TNIK: variants seen among roughly 807,000 people sequenced by gnomAD.
The protein encoded by TNIK is TRAF2 and NCK-interacting protein kinase.
A neutral mutation model predicts 191.3 loss-of-function variants in TNIK; 49 were observed. That is an observed-to-expected ratio of 0.26 (90% confidence interval 0.20 to 0.32). The LOEUF is 0.32. Among genes scored for constraint, TNIK ranks in the 10% least tolerant of loss-of-function variants. The pLI is 1.00. For synonymous variants in TNIK, 594 were observed against 600.9 expected, an observed-to-expected ratio of 0.99 and a Z score of 0.17; for missense variants, 1,155 against 1,702.3, an observed-to-expected ratio of 0.68 and a Z score of 5.66.
At chr3:171,067,793 G>A (rs940256604) in intron 30 of TNIK, among the ~76,000 whole-genome samples, 1 of 152,008 alleles carries the variant, frequency 6.6e-6, no homozygotes. Context: ...ACATGTGCTT[G>A]ACAGATTGGA....
chr3:171,310,342 AACCC>A (rs1171481075), intron 2 of TNIK, among the ~76,000 whole-genome samples: 1 of 152,160 alleles, frequency 6.6e-6, no homozygotes, highest in Admixed American at 6.6e-5. Context: ...ACAGGATTGC[AACCC>A]ACCAAGATTA....
chr3:171,074,526 GA>G (rs1167079493), intron 28 of TNIK, among the ~76,000 whole-genome samples: 14 of 148,396 alleles, frequency 9.4e-5, no homozygotes, highest in African/African-American at 2.5e-5. Flanking sequence ...AAAAAGAAAA[GA>G]AAAAAAAATC....
intron 1 of TNIK, among the ~76,000 whole-genome samples, chr3:171,430,633 T>C (rs1489528497): frequency 3.2e-5 from 4 of 124,368 alleles, no homozygotes; most frequent in Non-Finnish European, 6.7e-5. Context: ...TGACACCTTG[T>C]CTCAAAAAAC....
At chr3:171,229,386 T>C (rs1220494479) in intron 2 of TNIK, among the ~76,000 whole-genome samples, 1 of 152,248 alleles carries the variant, frequency 6.6e-6, no homozygotes, top group African/African-American at 2.4e-5. Context: ...TGCTGTGGCA[T>C]GTTTATGAAT....
intron 2 of TNIK, among the ~76,000 whole-genome samples, chr3:171,365,197 T>TTTTTTTTTTTTTTTTC (rs1224095923): frequency 9.3e-6 from 1 of 107,814 alleles, no homozygotes; most frequent in South Asian, 3.6e-4. Context: ...TTTTTTTTTT[T>TTTTTTTTTTTTTTTTC]TTGAGACAGA....
chr3:171,356,098 C>A (rs1339958883), intron 2 of TNIK, among the ~76,000 whole-genome samples: 2 of 152,078 alleles, frequency 1.3e-5, no homozygotes, highest in East Asian at 3.8e-4. Context: ...CAAAATCACA[C>A]AACTGAAGCT....
chr3:171,094,271 A>G (rs1415259112), intron 22 of TNIK, among the ~76,000 whole-genome samples: 1 of 151,680 alleles, frequency 6.6e-6, no homozygotes, highest in African/African-American at 2.4e-5. Context: ...AGTAGCTGGG[A>G]CTACAGGCGC....
At chr3:171,230,012 C>A (rs1402525525) in intron 2 of TNIK, among the ~76,000 whole-genome samples, 2 of 152,250 alleles carry the variant, frequency 1.3e-5, no homozygotes, top group Middle Eastern at 3.4e-3. Context: ...CGTGGGGAGA[C>A]TGGGCTCAGT....
intron 1 of TNIK, among the ~76,000 whole-genome samples, chr3:171,381,234 T>C: frequency 6.6e-6 from 1 of 152,168 alleles, no homozygotes; most frequent in East Asian, 1.9e-4. Flanking sequence ...GCCAGTCCTT[T>C]TGTCCCTCCA....
intron 27 of TNIK, among the ~76,000 whole-genome samples, chr3:171,080,592 G>A (rs912838773): frequency 2.6e-5 from 4 of 151,896 alleles, no homozygotes; most frequent in Admixed American, 2.6e-4. Flanking sequence ...GCCGCTCCCA[G>A]CATGCTCAGC....
intron 7 of TNIK, 37 bp downstream of exon 7, chr3:171,188,665 G>A: frequency 6.2e-7 from 1 of 1,610,126 alleles, no homozygotes; most frequent in Non-Finnish European, 8.5e-7. Context: ...GGATAAGATG[G>A]TAGGCATAGT....
At chr3:171,346,140 A>G (rs1712145866) in intron 2 of TNIK, among the ~76,000 whole-genome samples, 1 of 152,182 alleles carries the variant, frequency 6.6e-6, no homozygotes, top group South Asian at 2.1e-4. Context: ...GGAGAAGAGG[A>G]TCACAGGCAG....
chr3:171,122,041 G>A (rs1402033057), intron 18 of TNIK, among the ~76,000 whole-genome samples: 2 of 152,154 alleles, frequency 1.3e-5, no homozygotes, highest in African/African-American at 4.8e-5. Flanking sequence ...AAGAGAAAAG[G>A]CTCATTATTT....
intron 1 of TNIK, among the ~76,000 whole-genome samples, chr3:171,433,758 A>G (rs1182968833): frequency 6.6e-6 from 1 of 152,080 alleles, no homozygotes; most frequent in African/African-American, 2.4e-5. Flanking sequence ...TGGGAATAAT[A>G]TTACTAAATT....
intron 1 of TNIK, among the ~76,000 whole-genome samples, chr3:171,418,854 G>A (rs1288489917): frequency 1.3e-5 from 2 of 152,184 alleles, no homozygotes; most frequent in Admixed American, 6.5e-5. Flanking sequence ...CACAGACTGG[G>A]TGGCTTAAAC....
chr3:171,421,143 T>C (rs969510022), intron 1 of TNIK, among the ~76,000 whole-genome samples: 1 of 152,186 alleles, frequency 6.6e-6, no homozygotes, highest in Non-Finnish European at 1.5e-5. Flanking sequence ...CTCTATCACC[T>C]AGACCAAAAA....
At chr3:171,389,331 A>T (rs1719152450) in intron 1 of TNIK, among the ~76,000 whole-genome samples, 1 of 152,300 alleles carries the variant, frequency 6.6e-6, no homozygotes, top group East Asian at 1.9e-4. Flanking sequence ...CAAAAAGCTC[A>T]TTTCACCAAG....
At chr3:171,171,035 GAA>G (rs1442463962) in intron 9 of TNIK, among the ~76,000 whole-genome samples, 5 of 152,118 alleles carry the variant, frequency 3.3e-5, no homozygotes, top group African/African-American at 1.2e-4. Flanking sequence ...CTGGGTGACA[GAA>G]TGAGACTCTG....
At chr3:171,336,004 C>T (rs1434803097) in intron 2 of TNIK, among the ~76,000 whole-genome samples, 2 of 152,046 alleles carry the variant, frequency 1.3e-5, no homozygotes, top group African/African-American at 2.4e-5. Context: ...TTTTAATTTG[C>T]ATTTGCCTGA....
Sources: allele counts gnomAD v4.1 joint callset (sites outside exome capture counted in the v4.1 genomes callset), GRCh38; gene constraint gnomAD v4.1.1; transcripts MANE v1.5; gene names NCBI Gene and HGNC (gene_info 2026-07-23, HGNC 2026-07-21).